The following NXPE2 variants were observed in gnomAD, a reference collection of about 807,000 sequenced individuals.
NXPE2 encodes the protein neurexophilin and PC-esterase domain family member 2.
A neutral mutation model predicts 34.4 loss-of-function variants in NXPE2; 34 were observed. The observed-to-expected ratio is 0.99, with a 90% confidence interval of 0.75 to 1.31. The LOEUF (loss-of-function observed/expected upper bound fraction) is 1.31. Among genes scored for constraint, NXPE2 ranks in the 40% most tolerant of loss-of-function variants. The pLI is 0.00. For missense variants in NXPE2, 649 were observed against 672.5 expected (o/e 0.97, Z 0.39); for synonymous variants, 235 against 231.3 (o/e 1.02, Z -0.15).
At chr11:114,614,290 C>T in the NXPE2 span, among the ~76,000 whole-genome samples, 10 of 151,100 alleles carry the variant, frequency 6.6e-5, no homozygotes, top group African/African-American at 1.2e-4. Flanking sequence ...CCCTGTTACC[C>T]GGTGGATAGT....
chr11:114,544,080 T>A, the NXPE2 span, among the ~76,000 whole-genome samples: 1 of 152,156 alleles, frequency 6.6e-6, no homozygotes, highest in Non-Finnish European at 1.5e-5. Context: ...GAAGAAATTT[T>A]AAAAAATCTA....
rs1951297436 is a variant in NXPE2, at chr11:114,698,300, G to T, written c.388G>T (p.Asp130Tyr). ...TACGTACTGCAGGGGGGATCAGCTGGACATCCTTCTGGAGGTGAGGGACCA... is the reference window on the plus strand; with the variant it reads ...TACGTACTGCAGGGGGGATCAGCTGTACATCCTTCTGGAGGTGAGGGACCA... ...QDTYCRGDQL[D>Y]ILLEVRDHLG... is the part of the protein sequence containing the mutation. Residue 130 changes from aspartate to tyrosine, a missense_variant, in exon 3 of 6, where the codon GAC (aspartate) becomes TAC (tyrosine). Transcript: ENST00000389586. The T allele has an allele frequency of 7.4e-6, 12 of 1,613,938 alleles. No individual in the cohort carries two copies. Among genetic ancestry groups the T allele is most frequent in the Non-Finnish European group, 9.3e-6 (11 of 1,179,886 alleles).
the NXPE2 span, among the ~76,000 whole-genome samples, chr11:114,652,587 C>T: frequency 5.3e-5 from 8 of 152,136 alleles, no homozygotes; most frequent in South Asian, 2.1e-4. Context: ...GAGTGTTGCT[C>T]GACATATGTT....
the NXPE2 span, among the ~76,000 whole-genome samples, chr11:114,633,219 T>C: frequency 1.5e-5 from 2 of 133,458 alleles, no homozygotes; most frequent in Non-Finnish European, 3.1e-5. Context: ...TATTACATTA[T>C]ATATATAAAT....
At chr11:114,590,610 T>A in the NXPE2 span, among the ~76,000 whole-genome samples, 1 of 152,134 alleles carries the variant, frequency 6.6e-6, no homozygotes, top group Non-Finnish European at 1.5e-5. Context: ...AGCCCCTCTG[T>A]AGGGAGGGCC....
intron 3 of NXPE2, 30 bp downstream of exon 3, chr11:114,698,808 T>C (rs1399630415): frequency 1.4e-6 from 2 of 1,454,292 alleles, no homozygotes; most frequent in South Asian, 1.5e-5. Context: ...CAATAGCAGA[T>C]AAAAAGAGGT....
chr11:114,639,848 T>C, the NXPE2 span, among the ~76,000 whole-genome samples: 11 of 102,310 alleles, frequency 1.1e-4, no homozygotes, highest in African/African-American at 4.5e-4. Context: ...AAATATAAAA[T>C]ATAATATATA....
At chr11:114,562,480 G>C in the NXPE2 span, among the ~76,000 whole-genome samples, 4 of 152,134 alleles carry the variant, frequency 2.6e-5, no homozygotes, top group Admixed American at 6.5e-5. Context: ...AGGAATCATA[G>C]GAAAAGACAG....
chr11:114,623,191 G>A, the NXPE2 span, among the ~76,000 whole-genome samples: 1 of 151,892 alleles, frequency 6.6e-6, no homozygotes, highest in African/African-American at 2.4e-5. Flanking sequence ...TGCCTCTAGG[G>A]TAACCATTGT....
chr11:114,757,264 C>T, the NXPE2 span, among the ~76,000 whole-genome samples: 2 of 151,388 alleles, frequency 1.3e-5, no homozygotes, highest in Non-Finnish European at 1.5e-5. Context: ...AAAACATCTC[C>T]CTCCAGAGCA....
the NXPE2 span, among the ~76,000 whole-genome samples, chr11:114,792,919 A>G: frequency 6.6e-6 from 1 of 152,134 alleles, no homozygotes; most frequent in Admixed American, 6.5e-5. Context: ...CATTGACACC[A>G]CTTACTATTG....
chr11:114,673,995 A>G (rs1217331424), upstream of NXPE2, among the ~76,000 whole-genome samples: 1 of 151,840 alleles, frequency 6.6e-6, no homozygotes. Flanking sequence ...TAAAGACAAA[A>G]CTAGAAATCA....
chr11:114,565,365 A>T, the NXPE2 span, among the ~76,000 whole-genome samples: 1 of 152,188 alleles, frequency 6.6e-6, no homozygotes, highest in East Asian at 1.9e-4. Context: ...CTCCCTGGCA[A>T]ATGTAAAATG....
chr11:114,626,768 T>G, the NXPE2 span, among the ~76,000 whole-genome samples: 8 of 151,984 alleles, frequency 5.3e-5, no homozygotes, highest in African/African-American at 1.9e-4. Context: ...TTGAAAACTT[T>G]GAAAAAAATT....
chr11:114,773,360 C>A, the NXPE2 span, among the ~76,000 whole-genome samples: 1 of 148,452 alleles, frequency 6.7e-6, no homozygotes. Flanking sequence ...ACAGCTGTGT[C>A]TTTAAGATGC....
At chr11:114,664,938 C>T in the NXPE2 span, among the ~76,000 whole-genome samples, 7 of 152,182 alleles carry the variant, frequency 4.6e-5, no homozygotes, top group Admixed American at 4.6e-4. Flanking sequence ...TTAAAGTGGG[C>T]TAGGCTAAGC....
intron 3 of NXPE2, among the ~76,000 whole-genome samples, chr11:114,703,184 G>A (rs1951398270): frequency 6.6e-6 from 1 of 152,312 alleles, no homozygotes; most frequent in South Asian, 2.1e-4. Flanking sequence ...GATGAAGCTG[G>A]CAATGTAGAC....
At chr11:114,496,176 G>A in the NXPE2 span, among the ~76,000 whole-genome samples, 2 of 152,154 alleles carry the variant, frequency 1.3e-5, no homozygotes, top group Non-Finnish European at 2.9e-5. Context: ...GGTGGGTCTT[G>A]CTGGAACTCA....
chr11:114,476,921 C>T, the NXPE2 span, among the ~76,000 whole-genome samples: 1 of 152,128 alleles, frequency 6.6e-6, no homozygotes, highest in Admixed American at 6.6e-5. Flanking sequence ...AAGAAGCCCC[C>T]TAAAGCTATT....
Sources: gnomAD v4.1 joint callset for allele counts (sites outside exome capture counted in the v4.1 genomes callset) on GRCh38, gnomAD v4.1.1 for gene constraint, MANE v1.5 for transcripts, NCBI Gene and HGNC (gene_info 2026-07-23, HGNC 2026-07-21) for gene names.